The following MBP variants were observed in gnomAD, a reference collection of about 807,000 sequenced individuals.
MBP encodes the protein Golli-MBP.
In MBP, 16 loss-of-function variants were observed where a neutral mutation model predicts 35.8. That is an observed-to-expected ratio of 0.45 (90% CI 0.30 to 0.68). MBP has a LOEUF of 0.68. Among genes scored for constraint, MBP ranks in the 30% least tolerant of loss-of-function variants. MBP has a pLI of 0.08. For synonymous variants in MBP, 143 were observed against 159.6 expected (o/e 0.90, Z 0.78); for missense variants, 380 against 404.7 (o/e 0.94, Z 0.52).
chr18:76,987,850 A>G, intron 7 of MBP: 1 of 1,036,794 alleles, frequency 9.6e-7, no homozygotes, highest in Non-Finnish European at 1.2e-6. Flanking sequence ...AAATTTTTTC[A>G]CTAGAAAGTT....
chr18:77,008,910 A>G (rs1287571136), intron 4 of MBP, among the ~76,000 whole-genome samples: 1 of 152,220 alleles, frequency 6.6e-6, no homozygotes, highest in Non-Finnish European at 1.5e-5. Flanking sequence ...TGCTGAGTGT[A>G]AATGGTCCCC....
chr18:77,110,444 A>T (rs1976410829), intron 1 of MBP: 1 of 151,472 alleles, frequency 6.6e-6, no homozygotes, highest in Non-Finnish European at 1.5e-5. Context: ...GGGGGCAAAA[A>T]CCTATGACAT....
intron 4 of MBP, among the ~76,000 whole-genome samples, chr18:76,992,965 C>A (rs1309963061): frequency 6.6e-6 from 1 of 152,220 alleles, no homozygotes; most frequent in African/African-American, 2.4e-5. Context: ...CCTTCCTTCT[C>A]CCATCTGTCT....
intron 2 of MBP, among the ~76,000 whole-genome samples, chr18:77,098,290 A>G (rs971608841): frequency 4.0e-5 from 6 of 151,540 alleles, no homozygotes; most frequent in Non-Finnish European, 7.4e-5. Flanking sequence ...CTCACTTTAC[A>G]TAATGTTATC....
At chr18:77,059,509 ATAAT>A (rs1471849592) in intron 3 of MBP, among the ~76,000 whole-genome samples, 1 of 65,280 alleles carries the variant, frequency 1.5e-5, no homozygotes, top group East Asian at 4.7e-4. Flanking sequence ...TCTAATGATA[ATAAT>A]TTAACCTTAA....
At chr18:77,076,464 A>C (rs1431338017) in intron 2 of MBP, among the ~76,000 whole-genome samples, 1 of 152,246 alleles carries the variant, frequency 6.6e-6, no homozygotes, top group Non-Finnish European at 1.5e-5. Context: ...GGCCATGCCA[A>C]GGCCTCAGCT....
chr18:77,016,956 G>A lies in MBP; in HGVS notation c.452C>T (p.Thr151Ile), dbSNP rs772407136. 4 of 1,614,174 alleles carry A rather than the reference G, an allele frequency of 2.5e-6. No homozygotes were observed. The highest frequency in any genetic ancestry group is 1.1e-5 in the South Asian group (1 of 91,074). Residue 151 changes from threonine to isoleucine, a missense_variant, in exon 4 of 9, where the codon ACA becomes ATA. Transcript: ENST00000355994. ...CCTGGCATGGTCCATGGTACTTGCTGTGGCCAGGTACTTGGATCCGTGCCT... is the reference window on the plus strand; with the variant it reads ...CCTGGCATGGTCCATGGTACTTGCTATGGCCAGGTACTTGGATCCGTGCCT... ...SQRHGSKYLA[T>I]ASTMDHARHG...
chr18:77,002,539 A>C (rs1276416623), intron 4 of MBP, among the ~76,000 whole-genome samples: 1 of 150,908 alleles, frequency 6.6e-6, no homozygotes, highest in Non-Finnish European at 1.5e-5. Flanking sequence ...GCAAAGCCAG[A>C]ATAGAGAAAG....
At chr18:77,114,434 G>A (rs1192671989) in intron 1 of MBP, 1 of 150,840 alleles carries the variant, frequency 6.6e-6, no homozygotes, top group African/African-American at 2.5e-5. Flanking sequence ...TGTTGAAGCG[G>A]GGAAAAAAAG....
intron 4 of MBP, among the ~76,000 whole-genome samples, chr18:77,007,827 G>A (rs1466202304): frequency 6.6e-6 from 1 of 152,232 alleles, no homozygotes; most frequent in Non-Finnish European, 1.5e-5. Context: ...GCGTTGTGTA[G>A]AGGATTTACT....
At chr18:76,981,561 A>G (rs1969203875) in intron 8 of MBP, 1 of 152,256 alleles carries the variant, frequency 6.6e-6, no homozygotes, top group African/African-American at 2.4e-5. Flanking sequence ...TTGTGCTTAC[A>G]CAACTCACTC....
intron 4 of MBP, among the ~76,000 whole-genome samples, chr18:76,995,879 C>A (rs1238744746): frequency 6.6e-6 from 1 of 152,094 alleles, no homozygotes; most frequent in East Asian, 1.9e-4. Context: ...ACAAAAGACA[C>A]CATCAAGAGA....
chr18:77,110,509 G>C (rs1183057340), intron 1 of MBP: 1 of 147,420 alleles, frequency 6.8e-6, no homozygotes, highest in Non-Finnish European at 1.5e-5. Context: ...TGTGTCACAA[G>C]GACCTTCTCC....
intron 3 of MBP, among the ~76,000 whole-genome samples, chr18:77,038,169 A>C (rs1230795899): frequency 6.6e-6 from 1 of 152,258 alleles, no homozygotes; most frequent in South Asian, 2.1e-4. Flanking sequence ...TGCGAGCCGC[A>C]TAGAAATTAA....
chr18:77,014,169 A>C, intron 4 of MBP: 1 of 985,456 alleles, frequency 1.0e-6, no homozygotes, highest in Non-Finnish European at 1.2e-6. Context: ...ATGCCTTCTC[A>C]AGGAATTTTT....
intron 3 of MBP, among the ~76,000 whole-genome samples, chr18:77,022,019 G>A (rs542133220): frequency 6.6e-6 from 1 of 152,252 alleles, no homozygotes; most frequent in Admixed American, 6.5e-5. Context: ...CTTTCCTTCT[G>A]CTGCTGATAG....
At chr18:77,113,683 A>G (rs1292582921) in intron 1 of MBP, 1 of 152,580 alleles carries the variant, frequency 6.6e-6, no homozygotes, top group Non-Finnish European at 1.5e-5. Flanking sequence ...TGAGTGTGGC[A>G]TGAAGTGACC....
intron 3 of MBP, among the ~76,000 whole-genome samples, chr18:77,053,044 A>AC (rs1366416470): frequency 1.3e-5 from 2 of 152,308 alleles, no homozygotes; most frequent in African/African-American, 4.8e-5. Flanking sequence ...TTCCTGCTAA[A>AC]TAGAAGGCCC....
In MBP at chr18:77,131,085, G is replaced by GCGCACACA. The variant is rs1977247230; in HGVS notation, c.-26+1494_-26+1495insTGTGTGCG. The stretch of plus-strand genomic sequence containing the variant: ...AACACACACACGCGCGCACGCACGC[G>GCGCACACA]CACACACACACACACACACACACAC... On this transcript the variant is annotated intron_variant, in intron 1 of 8. Coordinates refer to ENST00000355994, the MANE Select transcript of MBP (RefSeq NM_001025101.2). The surrounding 1 kb of genome is among the most constrained non-coding windows in gnomAD (Gnocchi z 5.5). Among the ~76,000 whole-genome samples the GCGCACACA allele has an allele frequency of 3.7e-5, 2 of 53,342 alleles. No individual in the cohort carries two copies. Among genetic ancestry groups the GCGCACACA allele is most frequent in the African/African-American group, 1.1e-4 (2 of 18,770 alleles). The allele number at this position is 53,342 out of a possible 152,430, so 35.0% of individuals were successfully genotyped here.
Sources: gnomAD v4.1 joint callset for allele counts (sites outside exome capture counted in the v4.1 genomes callset) on GRCh38, gnomAD v4.1.1 for gene constraint, Gnocchi (gnomAD v3.1) non-coding constraint, MANE v1.5 for transcripts, NCBI Gene and HGNC (gene_info 2026-07-23, HGNC 2026-07-21) for gene names.